CAMK2D: variants seen among roughly 807,000 people sequenced by gnomAD.
CAMK2D encodes the protein calcium/calmodulin-dependent protein kinase type II subunit delta.
CAMK2D carries 37 observed loss-of-function variants against 84.0 expected under a neutral mutation model. The ratio of observed to expected loss-of-function variants is 0.44; its 90% CI spans 0.34 to 0.58. CAMK2D has a LOEUF of 0.58. Ranked by LOEUF, CAMK2D falls within the 20% of genes least tolerant of loss-of-function variation. The probability of loss-of-function intolerance (pLI) is 0.02; values close to 1 mark genes in which losing one functional copy is unlikely to be tolerated. For missense variants in CAMK2D, 448 were observed against 652.5 expected, an observed-to-expected ratio of 0.69 and a Z score of 3.41; for synonymous variants, 202 against 212.5, an observed-to-expected ratio of 0.95 and a Z score of 0.43.
chr4:113,731,021 CT>C (rs1175041220), intron 2 of CAMK2D, among the ~76,000 whole-genome samples: 1 of 152,160 alleles, frequency 6.6e-6, no homozygotes, highest in Non-Finnish European at 1.5e-5. Flanking sequence ...GACTTAAAAA[CT>C]GAAACTCATA....
At chr4:113,531,103 G>A in intron 8 of CAMK2D, 113 bp downstream of exon 8, 1 of 644,280 alleles carries the variant, frequency 1.6e-6, no homozygotes, top group Non-Finnish European at 2.8e-6. Context: ...AAATAAATAA[G>A]AAATACATTT....
intron 4 of CAMK2D, among the ~76,000 whole-genome samples, chr4:113,577,111 T>C (rs1321306093): frequency 6.6e-6 from 1 of 152,192 alleles, no homozygotes; most frequent in East Asian, 1.9e-4. Context: ...AATGAATTCT[T>C]TACTTTGGGG....
intron 3 of CAMK2D, among the ~76,000 whole-genome samples, chr4:113,637,869 A>G (rs1403131192): frequency 6.6e-6 from 1 of 152,110 alleles, no homozygotes; most frequent in Non-Finnish European, 1.5e-5. Context: ...AATAATAAAT[A>G]CTAAATAATA....
chr4:113,633,143 A>G (rs576442920), intron 3 of CAMK2D, among the ~76,000 whole-genome samples: 3 of 152,352 alleles, frequency 2.0e-5, no homozygotes, highest in East Asian at 1.9e-4. Context: ...TAAAAGGCCT[A>G]TATGTTGAGT....
chr4:113,656,812 G>A (rs534450261), intron 3 of CAMK2D, among the ~76,000 whole-genome samples: 7 of 152,142 alleles, frequency 4.6e-5, no homozygotes, highest in East Asian at 1.9e-4. Context: ...CTGACAAAAC[G>A]CTCTAAAGCA....
rs575990626 is a variant in CAMK2D at position 113,619,626 on chromosome 4, G to C, written c.221-10420C>G. ...TTGCACTTGATGTTTCCTCTGCCTG[G>C]AATTATTTCCCCGATATTCACATGG... On this transcript the variant is annotated intron_variant, in intron 3 of 20. Transcript: ENST00000511664. 2.0e-5 allele frequency among the ~76,000 whole-genome samples: 3 copies of C among 152,190 alleles called. No homozygotes were observed. In the South Asian group the frequency reaches 6.2e-4, roughly 32 times the overall value.
At chr4:113,588,165 T>A (rs1371440672) in intron 4 of CAMK2D, among the ~76,000 whole-genome samples, 9 of 152,002 alleles carry the variant, frequency 5.9e-5, no homozygotes, top group Non-Finnish European at 1.5e-5. Context: ...CTTGGCACCT[T>A]GTGGGTTTGA....
At chr4:113,728,491 G>A (rs544548322) in intron 2 of CAMK2D, among the ~76,000 whole-genome samples, 1 of 152,298 alleles carries the variant, frequency 6.6e-6, no homozygotes, top group South Asian at 2.1e-4. Context: ...GGAGCATGAA[G>A]GAACATTCTG....
intron 2 of CAMK2D, among the ~76,000 whole-genome samples, chr4:113,705,412 T>C (rs1235122192): frequency 1.3e-5 from 2 of 151,938 alleles, no homozygotes; most frequent in African/African-American, 4.8e-5. Context: ...GGTTCTCTGA[T>C]TTCTGCATTC....
intron 7 of CAMK2D, 27 bp downstream of exon 7, chr4:113,537,314 T>C: frequency 8.5e-7 from 1 of 1,169,738 alleles, no homozygotes; most frequent in Non-Finnish European, 1.3e-6. Flanking sequence ...AGACTATAGG[T>C]AGCATGAAGG....
intron 4 of CAMK2D, among the ~76,000 whole-genome samples, chr4:113,592,295 C>T (rs1720330723): frequency 6.6e-6 from 1 of 152,156 alleles, no homozygotes; most frequent in African/African-American, 2.4e-5. Flanking sequence ...ACTGAAGAAG[C>T]TGACTGCTAA....
intron 16 of CAMK2D, among the ~76,000 whole-genome samples, chr4:113,471,687 C>A (rs2154118548): frequency 6.6e-6 from 1 of 152,272 alleles, no homozygotes. Flanking sequence ...GATTCAGGCT[C>A]TCGGAAGTTC....
intron 6 of CAMK2D, among the ~76,000 whole-genome samples, chr4:113,538,815 G>A (rs1019681282): frequency 2.6e-5 from 4 of 152,160 alleles, no homozygotes; most frequent in African/African-American, 9.7e-5. Context: ...AAATTAGAGT[G>A]TTGGCGAGTA....
intron 2 of CAMK2D, 69 bp from the exon 3 acceptor site, chr4:113,661,841 AC>A: frequency 1.4e-6 from 1 of 734,838 alleles, no homozygotes; most frequent in South Asian, 1.8e-5. Flanking sequence ...AAACAGCATA[AC>A]AAAATGACAA....
At chr4:113,539,362 A>G (rs888400326) in intron 6 of CAMK2D, among the ~76,000 whole-genome samples, 3 of 152,366 alleles carry the variant, frequency 2.0e-5, no homozygotes, top group Admixed American at 2.0e-4. Flanking sequence ...TCAAAAAAAG[A>G]GTTCCAATCA....
chr4:113,731,672 G>A (rs897727657), intron 2 of CAMK2D, among the ~76,000 whole-genome samples: 1 of 144,340 alleles, frequency 6.9e-6, no homozygotes, highest in African/African-American at 2.6e-5. Flanking sequence ...TGCAACCTCC[G>A]CCTCCCGGGT....
At chr4:113,538,588 C>T (rs1035754590) in intron 6 of CAMK2D, among the ~76,000 whole-genome samples, 4 of 152,152 alleles carry the variant, frequency 2.6e-5, no homozygotes, top group African/African-American at 4.8e-5. Flanking sequence ...TTCAGTCAAT[C>T]AAATTCATTT....
intron 16 of CAMK2D, among the ~76,000 whole-genome samples, chr4:113,474,087 A>G (rs1412206004): frequency 1.3e-5 from 2 of 152,238 alleles, no homozygotes; most frequent in African/African-American, 4.8e-5. Context: ...CATTAAAGTA[A>G]TTGGGTAACT....
chr4:113,581,690 C>A (rs555509510), intron 4 of CAMK2D, among the ~76,000 whole-genome samples: 76 of 152,158 alleles, frequency 5.0e-4, no homozygotes, highest in African/African-American at 1.6e-3. Flanking sequence ...TTCCTTCCCA[C>A]TACTACAGCC....
Sources: allele counts gnomAD v4.1 joint callset (sites outside exome capture counted in the v4.1 genomes callset), GRCh38; gene constraint gnomAD v4.1.1; transcripts MANE v1.5; gene names NCBI Gene and HGNC (gene_info 2026-07-23, HGNC 2026-07-21).